The following SPACA1 variants were observed in gnomAD, a reference collection of about 807,000 sequenced individuals.
The protein encoded by SPACA1 is sperm acrosome membrane-associated protein 1.
SPACA1 carries 17 observed loss-of-function variants against 32.6 expected under a neutral mutation model. The ratio of observed to expected loss-of-function variants is 0.52; its 90% CI spans 0.36 to 0.78. The LOEUF (loss-of-function observed/expected upper bound fraction) is 0.78. SPACA1 is among the 30% of genes least tolerant of loss of function. The pLI is 0.01. For missense variants in SPACA1, 363 were observed against 373.4 expected (o/e 0.97, Z 0.23); for synonymous variants, 140 against 138.1 (o/e 1.01, Z -0.10).
intron 5 of SPACA1, 130 bp from the exon 6 acceptor site, chr6:88,063,969 T>G: frequency 9.9e-7 from 1 of 1,006,972 alleles, no homozygotes. Context: ...GCAAGATCAT[T>G]AATAATTTTC....
At chr6:88,056,348 C>T (rs1023177066) in intron 2 of SPACA1, among the ~76,000 whole-genome samples, 8 of 152,112 alleles carry the variant, frequency 5.3e-5, no homozygotes, top group Non-Finnish European at 1.0e-4. Flanking sequence ...AGCAAGACTC[C>T]GTCTCAAAAA....
At chr6:88,057,744 G>A (rs373479619) in intron 3 of SPACA1, 31 bp downstream of exon 3, 20 of 1,576,560 alleles carry the variant, frequency 1.3e-5, no homozygotes, top group Non-Finnish European at 1.7e-5. Context: ...GAGGGAGACT[G>A]TGGGCAAGAG....
chr6:88,058,631 C>T, intron 3 of SPACA1, 85 bp from the exon 4 acceptor site: 2 of 895,058 alleles, frequency 2.2e-6, no homozygotes, highest in South Asian at 1.6e-5. Context: ...AGAACCAGAT[C>T]CTGTCTCAGG....
chr6:88,058,603 T>G, intron 3 of SPACA1, 113 bp from the exon 4 acceptor site: 1 of 678,818 alleles, frequency 1.5e-6, no homozygotes, highest in Non-Finnish European at 2.5e-6. Flanking sequence ...CATGCCACTC[T>G]ACTCCAGCCT....
intron 1 of SPACA1, among the ~76,000 whole-genome samples, chr6:88,052,309 G>A (rs561459232): frequency 7.2e-5 from 11 of 151,958 alleles, no homozygotes; most frequent in African/African-American, 2.7e-4. Context: ...AATGGTTTTT[G>A]AAAAAGGCTT....
chr6:88,050,315 T>C (rs1031077801), intron 1 of SPACA1, among the ~76,000 whole-genome samples: 19 of 152,222 alleles, frequency 1.2e-4, no homozygotes, highest in Non-Finnish European at 2.2e-4. Context: ...CCCAGAAATA[T>C]AATGTTTACT....
At chr6:88,056,945 A>G (rs998282436) in intron 2 of SPACA1, among the ~76,000 whole-genome samples, 3 of 152,184 alleles carry the variant, frequency 2.0e-5, no homozygotes, top group African/African-American at 4.8e-5. Context: ...TCTCCTCTCT[A>G]TATTTAATAC....
intron 5 of SPACA1, among the ~76,000 whole-genome samples, chr6:88,063,568 A>G (rs1562480975): frequency 6.6e-6 from 1 of 152,156 alleles, no homozygotes; most frequent in Non-Finnish European, 1.5e-5. Context: ...AATTAGGAAG[A>G]GGCTCAAGGG....
At chr6:88,047,783 C>T, upstream of SPACA1, 3 of 978,240 alleles carry the variant, frequency 3.1e-6, no homozygotes, top group Non-Finnish European at 4.4e-6. Flanking sequence ...TGAGGCGTCA[C>T]GGTTCGTCAC....
At chr6:88,064,611 A>G (rs1380778752) in intron 6 of SPACA1, 1 of 153,046 alleles carries the variant, frequency 6.5e-6, no homozygotes, top group Non-Finnish European at 1.5e-5. Context: ...CATGAGTAGT[A>G]CACCCTGGTA....
intron 5 of SPACA1, among the ~76,000 whole-genome samples, chr6:88,060,132 T>C (rs1437138120): frequency 1.3e-5 from 2 of 152,240 alleles, no homozygotes; most frequent in Non-Finnish European, 2.9e-5. Flanking sequence ...TATCACAAAA[T>C]GCAAATGTTG....
chr6:88,059,668 C>A (rs1582273538), intron 5 of SPACA1, 80 bp downstream of exon 5: 1 of 1,379,884 alleles, frequency 7.2e-7, no homozygotes. Context: ...CTTGTTAAAA[C>A]ACCAGTCTCT....
chr6:88,054,134 A>G (rs975232264), intron 2 of SPACA1, 132 bp downstream of exon 2: 10 of 643,470 alleles, frequency 1.6e-5, no homozygotes, highest in Non-Finnish European at 2.6e-5. Flanking sequence ...TCTAATAACT[A>G]TAATGTATAC....
In SPACA1 at chr6:88,056,310, C is replaced by T. The variant is rs375772953; in HGVS notation, c.266-1302C>T. 2.7e-4 allele frequency among the ~76,000 whole-genome samples: 41 copies of T among 152,260 alleles called. No homozygotes were observed. The East Asian group carries it at 5.2e-3, about 19-fold the overall frequency. On this transcript the variant is annotated intron_variant, in intron 2 of 6. Coordinates refer to ENST00000237201, the MANE Select transcript of SPACA1 (RefSeq NM_030960.3). ...CGGAGGTTGCAGTGAGCTGAGATCGCGCCACTGCACTCTAGCCTCTGCAAC... is the reference window on the plus strand; with the variant it reads ...CGGAGGTTGCAGTGAGCTGAGATCGTGCCACTGCACTCTAGCCTCTGCAAC...
In SPACA1 at chr6:88,053,976, A is replaced by G; in HGVS notation, c.239A>G (p.Glu80Gly). The G allele has an allele frequency of 6.2e-7, 1 of 1,613,642 alleles. No individual in the cohort carries two copies. The highest frequency in any genetic ancestry group is 8.5e-7 in the Non-Finnish European group (1 of 1,179,726). Residue 80 changes from glutamate to glycine, a missense_variant, in exon 2 of 7, where the codon GAA becomes GGA. Coordinates refer to ENST00000237201, the MANE Select transcript of SPACA1 (RefSeq NM_030960.3). ...AATAGGAATGTCGTCAAAGAAGTAG[A>G]ATTCGGAATGTGCACCGTTACATGT... ...VSNRNVVKEV[E>G]FGMCTVTCGI...
At chr6:88,065,443 A>G (rs1406282331) in intron 6 of SPACA1, among the ~76,000 whole-genome samples, 4 of 148,098 alleles carry the variant, frequency 2.7e-5, no homozygotes, top group Admixed American at 1.4e-4. Context: ...TATATATACC[A>G]TATATACTAT....
In SPACA1 at chr6:88,066,217, C is replaced by T. The variant is rs762966726; in HGVS notation, c.767C>T (p.Ser256Phe). 1.2e-5 allele frequency: 20 copies of T among 1,608,408 alleles called. No individual in the cohort carries two copies. Among genetic ancestry groups the T allele is most frequent in the Non-Finnish European group, 1.7e-5 (20 of 1,176,698 alleles). ...AAGGCTTTCTGGGGGGCAAAAGCCT[C>T]TACACCTGAGGTACAATCCGAGCAG... is the stretch of plus-strand genomic sequence containing the variant. Reference protein sequence around the residue: ...AVKAFWGAKASTPEVQSEQSS... With the variant: ...AVKAFWGAKAFTPEVQSEQSS... Residue 256 changes from serine to phenylalanine, a missense_variant, in exon 7 of 7, where the codon TCT becomes TTT. Transcript: ENST00000237201.
At chr6:88,055,058 T>C (rs1004155940) in intron 2 of SPACA1, among the ~76,000 whole-genome samples, 1 of 152,180 alleles carries the variant, frequency 6.6e-6, no homozygotes, top group Non-Finnish European at 1.5e-5. Context: ...TTTTTAACCT[T>C]AATTTCTTAG....
chr6:88,062,439 C>T (rs1213269805), intron 5 of SPACA1, among the ~76,000 whole-genome samples: 1 of 152,140 alleles, frequency 6.6e-6, no homozygotes, highest in Non-Finnish European at 1.5e-5. Context: ...GTAGTTCTTT[C>T]TTCCATGAAT....
Sources: gnomAD v4.1 joint callset for allele counts (sites outside exome capture counted in the v4.1 genomes callset) on GRCh38, gnomAD v4.1.1 for gene constraint, MANE v1.5 for transcripts, NCBI Gene and HGNC (gene_info 2026-07-23, HGNC 2026-07-21) for gene names.